BACH2: variants seen among roughly 807,000 people sequenced by gnomAD.
The protein encoded by BACH2 is BACH transcriptional regulator 2.
A neutral mutation model predicts 61.8 loss-of-function variants in BACH2; 5 were observed. The observed-to-expected ratio is 0.08, with a 90% CI of 0.04 to 0.17. The LOEUF (loss-of-function observed/expected upper bound fraction) is 0.17, where lower values mean the gene tolerates loss of function less well. Ranked by LOEUF, BACH2 falls within the 10% of genes least tolerant of loss-of-function variation. The pLI, the probability that BACH2 is intolerant of heterozygous loss-of-function variation, is 1.00. For missense variants in BACH2, 824 were observed against 1,091.1 expected, an observed-to-expected ratio of 0.76 and a Z score of 3.45; for synonymous variants, 446 against 440.1, an observed-to-expected ratio of 1.01 and a Z score of -0.17.
chr6:89,975,859 G>A (rs1227898141), intron 6 of BACH2, among the ~76,000 whole-genome samples: 2 of 152,212 alleles, frequency 1.3e-5, no homozygotes, highest in South Asian at 4.1e-4. Flanking sequence ...GACAAGATAT[G>A]TGAAATGTTT....
chr6:90,058,670 A>G (rs1780507156), intron 5 of BACH2, among the ~76,000 whole-genome samples: 1 of 152,174 alleles, frequency 6.6e-6, no homozygotes, highest in Non-Finnish European at 1.5e-5. Flanking sequence ...CGCCAAGTCA[A>G]TCCTAAGCCA....
intron 4 of BACH2, among the ~76,000 whole-genome samples, chr6:90,178,816 G>A (rs1043280894): frequency 6.6e-6 from 1 of 152,190 alleles, no homozygotes. Flanking sequence ...TGGCACAGAT[G>A]CAAAGTATTT....
chr6:90,051,984 A>G (rs561426519), intron 5 of BACH2, among the ~76,000 whole-genome samples: 1 of 152,136 alleles, frequency 6.6e-6, no homozygotes, highest in Non-Finnish European at 1.5e-5. Context: ...TTCCACATAT[A>G]AGGGGAATTT....
At chr6:90,103,027 A>ATTTTT (rs1163074235) in intron 4 of BACH2, among the ~76,000 whole-genome samples, 1 of 24,476 alleles carries the variant, frequency 4.1e-5, no homozygotes, top group Admixed American at 6.0e-4. Context: ...ATATATATAT[A>ATTTTT]TATTTTTTTT....
At chr6:90,013,172 A>T (rs1777816605) in intron 5 of BACH2, among the ~76,000 whole-genome samples, 1 of 152,102 alleles carries the variant, frequency 6.6e-6, no homozygotes, top group Admixed American at 6.5e-5. Flanking sequence ...TTCTTGGTAG[A>T]TTCCACGGTA....
In BACH2 at chr6:89,951,403, G is replaced by C; in HGVS notation, c.703C>G (p.Gln235Glu). The change falls in exon 7 of 9, where the codon CAG becomes GAG. Residue 235 changes from glutamine (Q) to glutamate (E), a missense_variant. Physicochemically the swap from Gln to Glu is conservative, Grantham distance 29. Coordinates refer to ENST00000257749, the MANE Select transcript of BACH2 (RefSeq NM_021813.4). The surrounding 1 kb of genome is among the most constrained non-coding windows in gnomAD (Gnocchi z 6.4). ...LTQYPRYKKY[Q>E]LACTKNVYNA... ...TAGACATTCTTGGTACATGCAAGCTGGTATTTCTTGTATCTGGGGTACTGC... is the reference window on the plus strand; with the variant it reads ...TAGACATTCTTGGTACATGCAAGCTCGTATTTCTTGTATCTGGGGTACTGC... 1 of 1,614,206 alleles carries C rather than the reference G, an allele frequency of 6.2e-7. No homozygotes were observed. Among genetic ancestry groups the C allele is most frequent in the Non-Finnish European group, 8.5e-7 (1 of 1,180,036 alleles).
At chr6:90,281,883 C>A (rs141250604) in intron 1 of BACH2, among the ~76,000 whole-genome samples, 18 of 152,164 alleles carry the variant, frequency 1.2e-4, no homozygotes, top group Non-Finnish European at 2.1e-4. Context: ...CTAAGGTACA[C>A]TGAAGTTCAG....
At chr6:90,148,659 T>C (rs1784703394) in intron 4 of BACH2, among the ~76,000 whole-genome samples, 1 of 151,802 alleles carries the variant, frequency 6.6e-6, no homozygotes, top group East Asian at 1.9e-4. Flanking sequence ...GACCAAAAAG[T>C]GGGAATGTAA....
intron 4 of BACH2, among the ~76,000 whole-genome samples, chr6:90,111,263 ATCTCTC>A (rs1407301046): frequency 6.6e-6 from 1 of 152,056 alleles, no homozygotes; most frequent in African/African-American, 2.4e-5. Flanking sequence ...GGCCACCACC[ATCTCTC>A]TCCCGGGCTT....
intron 5 of BACH2, among the ~76,000 whole-genome samples, chr6:90,041,248 T>C (rs749989835): frequency 2.6e-5 from 4 of 152,042 alleles, no homozygotes; most frequent in Non-Finnish European, 5.9e-5. Context: ...GACTCTGCAA[T>C]CCCATAAACA....
chr6:90,037,688 T>C (rs910038665), intron 5 of BACH2, among the ~76,000 whole-genome samples: 1 of 152,226 alleles, frequency 6.6e-6, no homozygotes, highest in African/African-American at 2.4e-5. Context: ...TGAATCACAA[T>C]ATTCTCCCTC....
At chr6:90,239,347 G>T (rs78030488) in intron 3 of BACH2, among the ~76,000 whole-genome samples, 2 of 152,170 alleles carry the variant, frequency 1.3e-5, no homozygotes, top group African/African-American at 4.8e-5. Flanking sequence ...TGACTTCCCA[G>T]ACATAAGAAG....
chr6:90,144,779 C>T lies in BACH2; in HGVS notation c.-161-55670G>A, dbSNP rs982502783. On this transcript the variant is annotated intron_variant, in intron 4 of 8. Transcript: ENST00000257749. ...GGGAGTTAGGCTTCCTATTCACCTA[C>T]AATGCAGGTGAGTAAACACAAGTTT... Among the ~76,000 whole-genome samples the T allele has an allele frequency of 2.0e-5, 3 of 152,162 alleles. No individual in the cohort carries two copies. The South Asian group carries it at 6.2e-4, about 31-fold the overall frequency.
Position 90,087,103 on chromosome 6 carries a change from T to G in BACH2, c.-13+1858A>C, listed in dbSNP as rs898980307. ...TAAACATTTTAACATATACCTACTG[T>G]ACATTTAAGTCTATCTCCAGGATTT... On this transcript the variant is annotated intron_variant, in intron 5 of 8. Coordinates refer to ENST00000257749, the MANE Select transcript of BACH2 (RefSeq NM_021813.4). Among the ~76,000 whole-genome samples the G allele has an allele frequency of 7.9e-5, 12 of 152,332 alleles. No individual in the cohort carries two copies. The East Asian group carries it at 2.3e-3, about 29-fold the overall frequency.
At chr6:90,166,923 G>A (rs999848058) in intron 4 of BACH2, among the ~76,000 whole-genome samples, 8 of 144,426 alleles carry the variant, frequency 5.5e-5, no homozygotes, top group African/African-American at 1.8e-4. Flanking sequence ...GGGGGAGGGG[G>A]GAGGAATAGT....
rs572007661 is a variant in BACH2, at chr6:90,196,038, G to C, written c.-162+10531C>G. Among the ~76,000 whole-genome samples the C allele has an allele frequency of 2.0e-5, 3 of 152,184 alleles. No homozygotes were observed. The East Asian group carries it at 5.8e-4, about 29-fold the overall frequency. Reference sequence around the variant, plus strand: ...TCCTCAGTTTGCAAATAAAGAAACGGAGTTTTGACTTTAGGTAACTTGCCC... The same window carrying C: ...TCCTCAGTTTGCAAATAAAGAAACGCAGTTTTGACTTTAGGTAACTTGCCC... On this transcript the variant is annotated intron_variant, in intron 4 of 8. Transcript: ENST00000257749.
At chr6:90,099,639 T>C (rs911783287) in intron 4 of BACH2, among the ~76,000 whole-genome samples, 2 of 152,176 alleles carry the variant, frequency 1.3e-5, no homozygotes, top group African/African-American at 4.8e-5. Flanking sequence ...GTGATGATCA[T>C]TTCATTCCCT....
intron 4 of BACH2, among the ~76,000 whole-genome samples, chr6:90,100,757 T>C (rs570145340): frequency 4.5e-5 from 3 of 66,756 alleles, no homozygotes; most frequent in Non-Finnish European, 9.5e-5. Flanking sequence ...ACACCCTCTA[T>C]TGGTTCTATT....
At chr6:90,260,302 T>C (rs144861765) in intron 2 of BACH2, among the ~76,000 whole-genome samples, 19 of 152,362 alleles carry the variant, frequency 1.2e-4, no homozygotes, top group African/African-American at 4.3e-4. Flanking sequence ...ATTTCTTCTT[T>C]GACCCATTGG....
Sources: allele counts gnomAD v4.1 joint callset (sites outside exome capture counted in the v4.1 genomes callset), GRCh38; gene constraint gnomAD v4.1.1; non-coding constraint Gnocchi (gnomAD v3.1); transcripts MANE v1.5; gene names NCBI Gene and HGNC (gene_info 2026-07-23, HGNC 2026-07-21).